The following NUMA1 variants were observed in gnomAD, a reference collection of about 807,000 sequenced individuals.
The protein encoded by NUMA1 is nuclear mitotic apparatus protein 1.
Under a neutral mutation model 237.1 loss-of-function variants are expected in NUMA1, and 62 were observed. That is an observed-to-expected ratio of 0.26 (90% CI 0.21 to 0.32). NUMA1 has a LOEUF of 0.32. Among genes scored for constraint, NUMA1 ranks in the 10% least tolerant of loss-of-function variants. The probability of loss-of-function intolerance (pLI) is 1.00; values close to 1 mark genes in which losing one functional copy is unlikely to be tolerated. For synonymous variants in NUMA1, 1,028 were observed against 1,066.1 expected (o/e 0.96, Z 0.70); for missense variants, 2,533 against 2,666.5 (o/e 0.95, Z 1.10).
Position 72,015,629 on chromosome 11 carries a change from T to C in NUMA1, c.1874A>G (p.Gln625Arg). The change falls in exon 15 of 27, where the codon CAG becomes CGG. Residue 625 changes from glutamine to arginine, a missense_variant. By Grantham distance (43) the Gln-to-Arg change is conservative. Coordinates refer to ENST00000393695, the MANE Select transcript of NUMA1 (RefSeq NM_006185.4). This position sits in a 1 kb window ranked among gnomAD's most constrained non-coding sequence, Gnocchi z 4.0. The part of the protein sequence containing the change: ...AKLEILQQQL[Q>R]VANEARDSAQ... ...ACTGTCCCGGGCTTCATTAGCCACCTGAAGTTGCTGCTGCAGAATCTCCAG... is the reference window on the plus strand; with the variant it reads ...ACTGTCCCGGGCTTCATTAGCCACCCGAAGTTGCTGCTGCAGAATCTCCAG... 6.2e-7 allele frequency: 1 copy of C among 1,613,802 alleles called. No homozygotes were observed. Among genetic ancestry groups the C allele is most frequent in the Non-Finnish European group, 8.5e-7 (1 of 1,180,044 alleles).
Position 72,006,202 on chromosome 11 carries a change from G to A in NUMA1, c.5525C>T (p.Pro1842Leu), listed in dbSNP as rs1343035992. Residue 1842 changes from proline to leucine, a missense_variant, in exon 22 of 27, where the codon CCT becomes CTT. Transcript: ENST00000393695. ...GGCTCGCAGGCTAGCCTGGGAAGCA[G>A]GAGCAGACCGCGTGCTGTAGAACGA... is the stretch of plus-strand genomic sequence containing the variant. The part of the protein sequence containing the change: ...NSSFYSTRSA[P>L]ASQASLRATS... 16 of 1,614,020 alleles carry A rather than the reference G, an allele frequency of 9.9e-6. No individual in the cohort carries two copies. The highest frequency in any genetic ancestry group is 1.3e-5 in the African/African-American group (1 of 74,926).
At position 72,015,158 on chromosome 11, in the gene NUMA1, G is replaced by T. The variant is rs770515620; in HGVS notation, c.2345C>A (p.Thr782Asn). The part of the protein sequence containing the change: ...QQLGEAHQAE[T>N]EVLRRELAEA... ...TGCCAGCTCCCGCCGCAGGACTTCAGTCTCAGCCTGATGGGCCTCCCCAAG... is the reference window on the plus strand; with the variant it reads ...TGCCAGCTCCCGCCGCAGGACTTCATTCTCAGCCTGATGGGCCTCCCCAAG... The change falls in exon 15 of 27, where the codon ACT becomes AAT. Residue 782 changes from threonine (T) to asparagine (N), a missense_variant. Physicochemically the swap from Thr to Asn is moderately conservative, Grantham distance 65. Coordinates refer to ENST00000393695, the MANE Select transcript of NUMA1 (RefSeq NM_006185.4). The surrounding 1 kb of genome is among the most constrained non-coding windows in gnomAD (Gnocchi z 4.0). 3 of 1,613,490 alleles carry T rather than the reference G, an allele frequency of 1.9e-6. No homozygotes were observed. The highest frequency in any genetic ancestry group is 2.5e-6 in the Non-Finnish European group (3 of 1,180,042).
At chr11:72,053,307 T>C (rs1338002890) in intron 2 of NUMA1, among the ~76,000 whole-genome samples, 1 of 152,204 alleles carries the variant, frequency 6.6e-6, no homozygotes, top group Non-Finnish European at 1.5e-5. Flanking sequence ...ATTACGCCTT[T>C]TTGTATTTTA....
chr11:72,069,519 G>A (rs925361726), intron 2 of NUMA1, among the ~76,000 whole-genome samples: 1 of 152,184 alleles, frequency 6.6e-6, no homozygotes, highest in East Asian at 1.9e-4. Flanking sequence ...CAGTAGCAGA[G>A]AAATGATGGC....
chr11:72,004,410 C>G, intron 24 of NUMA1, 69 bp from the exon 25 acceptor site: 3 of 1,429,650 alleles, frequency 2.1e-6, no homozygotes, highest in Non-Finnish European at 2.9e-6. Context: ...GTGTCTTGTC[C>G]TCTCAGAGCT....
chr11:72,053,963 G>A (rs1942501860), intron 2 of NUMA1, among the ~76,000 whole-genome samples: 2 of 152,134 alleles, frequency 1.3e-5, no homozygotes. Context: ...GACGTGTGAA[G>A]GTTATATGCT....
chr11:72,003,564 A>T, intron 26 of NUMA1, 26 bp from the exon 27 acceptor site: 1 of 1,614,142 alleles, frequency 6.2e-7, no homozygotes, highest in East Asian at 2.2e-5. Flanking sequence ...TCACATGGCC[A>T]GATGAGAACT....
At chr11:72,072,783 G>C (rs577930377) in intron 1 of NUMA1, among the ~76,000 whole-genome samples, 1 of 151,972 alleles carries the variant, frequency 6.6e-6, no homozygotes, top group Admixed American at 6.6e-5. Context: ...GGCCAGGCAC[G>C]GTGGCTCACG....
At position 72,013,548 on chromosome 11, in the gene NUMA1, C is replaced by T. The variant is rs757763987; in HGVS notation, c.3955G>A (p.Ala1319Thr). ...TGGCCCAGCTCCTCCGCACGCTCAG[C>T]CTGTGAGGTCAGCTCCTGCCGCAGG... ...ENLRQELTSQ[A>T]ERAEELGQEL... Residue 1319 changes from alanine to threonine, a missense_variant, in exon 15 of 27, where the codon GCT becomes ACT. Ala to Thr is a moderately conservative substitution (Grantham distance 58). Transcript: ENST00000393695. The surrounding 1 kb of genome is among the most constrained non-coding windows in gnomAD (Gnocchi z 6.8). The T allele has an allele frequency of 5.0e-5, 80 of 1,613,436 alleles. No individual in the cohort carries two copies. The highest frequency in any genetic ancestry group is 6.8e-5 in the Non-Finnish European group (80 of 1,180,038).
chr11:72,012,100 G>A (rs1956198119), intron 16 of NUMA1, among the ~76,000 whole-genome samples: 1 of 152,192 alleles, frequency 6.6e-6, no homozygotes, highest in Admixed American at 6.5e-5. Flanking sequence ...CCCAAGGATT[G>A]TGTCTGTCAT....
intron 2 of NUMA1, among the ~76,000 whole-genome samples, chr11:72,047,431 T>G (rs951536520): frequency 1.7e-4 from 26 of 152,148 alleles, no homozygotes; most frequent in Admixed American, 1.6e-3. Context: ...GAGGTTATAG[T>G]GAGCTATGAT....
At position 72,018,170 on chromosome 11, in the gene NUMA1, C is replaced by T; in HGVS notation, c.978+13G>A. The T allele has an allele frequency of 6.3e-7, 1 of 1,595,590 alleles. No homozygotes were observed. The highest frequency in any genetic ancestry group is 8.6e-7 in the Non-Finnish European group (1 of 1,163,016). On this transcript the variant is annotated intron_variant, in intron 12 of 26. Coordinates refer to ENST00000393695, the MANE Select transcript of NUMA1 (RefSeq NM_006185.4). ...CTGAGGGGCCTCCATGCACACACCA[C>T]CTTAACACCCACCTTAAAGGAAAGG...
At chr11:72,065,500 G>T (rs970171718) in intron 2 of NUMA1, 2 of 152,116 alleles carry the variant, frequency 1.3e-5, no homozygotes, top group Non-Finnish European at 2.9e-5. Context: ...ATATGATCTG[G>T]AAATTGCAAA....
chr11:72,064,007 A>G (rs1317428374), intron 2 of NUMA1, among the ~76,000 whole-genome samples: 5 of 152,156 alleles, frequency 3.3e-5, no homozygotes, highest in Non-Finnish European at 7.3e-5. Context: ...CACAGAAATA[A>G]AAGTTTAGGA....
intron 3 of NUMA1, among the ~76,000 whole-genome samples, chr11:72,031,523 A>G (rs1014574876): frequency 6.6e-5 from 10 of 152,300 alleles, no homozygotes; most frequent in Admixed American, 3.3e-4. Flanking sequence ...GGCCAGGCGC[A>G]GTGGCCCATG....
rs1468239345 is a variant in NUMA1, at chr11:72,003,877, G to A, written c.6336+10C>T. On this transcript the variant is annotated intron_variant, in intron 26 of 26. Coordinates refer to ENST00000393695, the MANE Select transcript of NUMA1 (RefSeq NM_006185.4). ...CGGGTTTCCCTCCCCCATCCTGCCA[G>A]TGCCTCTACCTTGCCCTTGGCTCGA... 1 of 1,613,016 alleles carries A rather than the reference G, an allele frequency of 6.2e-7. No homozygotes were observed. Among genetic ancestry groups the A allele is most frequent in the Non-Finnish European group, 8.5e-7 (1 of 1,179,658 alleles).
chr11:72,018,566 G>A (rs1938250344), intron 10 of NUMA1, 53 bp from the exon 11 acceptor site: 14 of 1,463,958 alleles, frequency 9.6e-6, no homozygotes, highest in South Asian at 8.0e-5. Flanking sequence ...GTGCATGAGC[G>A]GAACTATGTG....
intron 3 of NUMA1, among the ~76,000 whole-genome samples, chr11:72,030,679 A>T (rs979812643): frequency 1.3e-5 from 2 of 152,232 alleles, no homozygotes; most frequent in African/African-American, 4.8e-5. Flanking sequence ...AATTATTCAC[A>T]TATTCAACAC....
chr11:72,026,400 G>A (rs1022108131), intron 4 of NUMA1, among the ~76,000 whole-genome samples: 5 of 152,262 alleles, frequency 3.3e-5, no homozygotes, highest in African/African-American at 9.6e-5. Context: ...ACTGAGAAGA[G>A]CAGAAATAAA....
Sources: allele counts gnomAD v4.1 joint callset (sites outside exome capture counted in the v4.1 genomes callset), GRCh38; gene constraint gnomAD v4.1.1; non-coding constraint Gnocchi (gnomAD v3.1); transcripts MANE v1.5; gene names NCBI Gene and HGNC (gene_info 2026-07-23, HGNC 2026-07-21).